The following PRDM16 variants were observed in gnomAD, a reference collection of about 807,000 sequenced individuals.
PRDM16 encodes histone-lysine N-methyltransferase PRDM16.
Under a neutral mutation model 110.6 loss-of-function variants are expected in PRDM16, and 23 were observed. That is an observed-to-expected ratio of 0.21 (90% confidence interval 0.15 to 0.29). The LOEUF is 0.29. Among genes scored for constraint, PRDM16 ranks in the 10% least tolerant of loss-of-function variants. The probability of loss-of-function intolerance (pLI) is 1.00; values close to 1 mark genes in which losing one functional copy is unlikely to be tolerated. For synonymous variants in PRDM16, 799 were observed against 781.8 expected (o/e 1.02, Z -0.37); for missense variants, 1,615 against 1,794.3 (o/e 0.90, Z 1.81).
At chr1:3,352,504 C>T (rs1041455457) in intron 3 of PRDM16, among the ~76,000 whole-genome samples, 1 of 152,220 alleles carries the variant, frequency 6.6e-6, no homozygotes, top group Non-Finnish European at 1.5e-5. Context: ...TTCGTTTGTT[C>T]TCCTTTCCTT....
chr1:3,401,096 G>A (rs891331786), intron 5 of PRDM16, among the ~76,000 whole-genome samples: 3 of 152,194 alleles, frequency 2.0e-5, no homozygotes, highest in African/African-American at 7.2e-5. Flanking sequence ...CGCCAGGGGT[G>A]CTGGGGTGGC....
At chr1:3,229,991 C>T (rs189691545) in intron 2 of PRDM16, among the ~76,000 whole-genome samples, 1 of 152,330 alleles carries the variant, frequency 6.6e-6, no homozygotes, top group East Asian at 1.9e-4. Flanking sequence ...TGCCCTGGCG[C>T]CCGCGTTTAG....
rs1371252062 is a variant in PRDM16 at position 3,213,049 on chromosome 1, C to T, written c.387+26575C>T. Among the ~76,000 whole-genome samples the T allele has an allele frequency of 2.0e-5, 3 of 152,196 alleles. No individual in the cohort carries two copies. The highest frequency in any genetic ancestry group is 2.9e-5 in the Non-Finnish European group (2 of 68,032). ...TCTCACCCAGAAAGGAAAGCGGGGT[C>T]GGCTCGCCCGCCTGCCGCACGCTTC... On this transcript the variant is annotated intron_variant, in intron 2 of 16. Coordinates refer to ENST00000270722, the MANE Select transcript of PRDM16 (RefSeq NM_022114.4). The surrounding 1 kb of genome is among the most constrained non-coding windows in gnomAD (Gnocchi z 5.3).
chr1:3,341,028 G>C (rs1381159840), intron 3 of PRDM16, among the ~76,000 whole-genome samples: 1 of 151,502 alleles, frequency 6.6e-6, no homozygotes, highest in Non-Finnish European at 1.5e-5. Context: ...AGGGGGATGT[G>C]TCCAACCCCG....
In PRDM16 at chr1:3,100,921, G is replaced by A. The variant is rs192175954; in HGVS notation, c.37+31625G>A. Among the ~76,000 whole-genome samples the A allele has an allele frequency of 4.6e-4, 70 of 152,224 alleles. No individual in the cohort carries two copies. In the East Asian group the frequency reaches 4.9e-3, roughly 11 times the overall value. The stretch of plus-strand genomic sequence containing the variant: ...CGGGGAGGAGCTTGTTCAAGGTGAC[G>A]GGTGGCACTTGGTCATGTGGGTGCT... On this transcript the variant is annotated intron_variant, in intron 1 of 16. Transcript: ENST00000270722.
At chr1:3,392,432 A>G (rs566704541) in intron 4 of PRDM16, among the ~76,000 whole-genome samples, 1 of 152,332 alleles carries the variant, frequency 6.6e-6, no homozygotes, top group African/African-American at 2.4e-5. Flanking sequence ...GAAAGAGAAA[A>G]CAAGAACGGC....
intron 2 of PRDM16, among the ~76,000 whole-genome samples, chr1:3,222,442 G>A (rs563391994): frequency 1.3e-5 from 2 of 152,322 alleles, no homozygotes; most frequent in East Asian, 3.9e-4. Flanking sequence ...GTGGGGGCTC[G>A]CAGCCTGTTG....
intron 3 of PRDM16, among the ~76,000 whole-genome samples, chr1:3,355,396 CA>C (rs1169827017): frequency 6.6e-6 from 1 of 152,172 alleles, no homozygotes; most frequent in African/African-American, 2.4e-5. Flanking sequence ...TCCATTTCTT[CA>C]GCCTGGCGGG....
At chr1:3,178,526 C>T (rs1644116341) in intron 1 of PRDM16, among the ~76,000 whole-genome samples, 1 of 152,334 alleles carries the variant, frequency 6.6e-6, no homozygotes, top group Admixed American at 6.5e-5. Flanking sequence ...CTTTTCTCCG[C>T]CTGGGTGGCA....
rs1179703726 is a variant in PRDM16, at chr1:3,166,243, A to C, written c.38-19882A>C. On this transcript the variant is annotated intron_variant, in intron 1 of 16. Coordinates refer to ENST00000270722, the MANE Select transcript of PRDM16 (RefSeq NM_022114.4). Reference sequence around the variant, plus strand: ...AATGGATGCAAGCAAATAATGAGAAACAGCTCCCGAAGAGCTTTGCTCAAA... The same window carrying C: ...AATGGATGCAAGCAAATAATGAGAACCAGCTCCCGAAGAGCTTTGCTCAAA... 2.0e-5 allele frequency among the ~76,000 whole-genome samples: 3 copies of C among 152,250 alleles called. No individual in the cohort carries two copies. In the South Asian group the frequency reaches 6.2e-4, roughly 31 times the overall value.
intron 3 of PRDM16, among the ~76,000 whole-genome samples, chr1:3,327,336 C>G (rs907315389): frequency 1.3e-5 from 2 of 152,254 alleles, no homozygotes; most frequent in African/African-American, 2.4e-5. Context: ...CAAGGAGAAG[C>G]CTGGAGCTCT....
Position 3,143,176 on chromosome 1 carries a change from C to T in PRDM16, c.38-42949C>T, listed in dbSNP as rs1643584831. 6.6e-6 allele frequency among the ~76,000 whole-genome samples: 1 copy of T among 152,154 alleles called. No homozygotes were observed. Among genetic ancestry groups the T allele is most frequent in the Middle Eastern group, 3.2e-3 (1 of 316 alleles). On this transcript the variant is annotated intron_variant, in intron 1 of 16. Transcript: ENST00000270722. This position sits in a 1 kb window ranked among gnomAD's most constrained non-coding sequence, Gnocchi z 4.5. Reference sequence around the variant, plus strand: ...ACCGCAGTGCTGGGCCGGGGGGAGTCGCTGGTTTGCAGCCCCTCGGGGGCC... The same window carrying T: ...ACCGCAGTGCTGGGCCGGGGGGAGTTGCTGGTTTGCAGCCCCTCGGGGGCC...
intron 3 of PRDM16, among the ~76,000 whole-genome samples, chr1:3,262,731 A>C (rs963263735): frequency 2.6e-5 from 4 of 152,242 alleles, no homozygotes; most frequent in African/African-American, 9.6e-5. Context: ...TGACAGCAGT[A>C]ATGACAACAC....
intron 3 of PRDM16, among the ~76,000 whole-genome samples, chr1:3,329,336 C>T (rs569292296): frequency 6.6e-6 from 1 of 152,298 alleles, no homozygotes; most frequent in South Asian, 2.1e-4. Context: ...AGGGGTCAAG[C>T]ATCCGGGTAG....
chr1:3,423,941 C>T (rs928500319), intron 12 of PRDM16, among the ~76,000 whole-genome samples: 18 of 152,276 alleles, frequency 1.2e-4, no homozygotes, highest in African/African-American at 4.1e-4. Flanking sequence ...CAGATGAGCA[C>T]CGCTGCGGGC....
chr1:3,263,033 G>A (rs1359666108), intron 3 of PRDM16, among the ~76,000 whole-genome samples: 1 of 152,160 alleles, frequency 6.6e-6, no homozygotes, highest in South Asian at 2.1e-4. Context: ...AGGCATCGCA[G>A]GGGCACCAGC....
chr1:3,339,351 G>A lies in PRDM16; in HGVS notation c.439-45801G>A, dbSNP rs552396765. Among the ~76,000 whole-genome samples the A allele has an allele frequency of 5.3e-5, 8 of 152,092 alleles. No individual in the cohort carries two copies. Among genetic ancestry groups the A allele is most frequent in the Admixed American group, 6.5e-5 (1 of 15,288 alleles). On this transcript the variant is annotated intron_variant, in intron 3 of 16. Transcript: ENST00000270722. This position sits in a 1 kb window ranked among gnomAD's most constrained non-coding sequence, Gnocchi z 5.0. Reference sequence around the variant, plus strand: ...GCACAGGGTGGGCCTCCGCGCATCCGTGCCCGGAAGCAGGAACAGAGGGAT... The same window carrying A: ...GCACAGGGTGGGCCTCCGCGCATCCATGCCCGGAAGCAGGAACAGAGGGAT...
chr1:3,114,157 A>G lies in PRDM16; in HGVS notation c.37+44861A>G, dbSNP rs903939725. Among the ~76,000 whole-genome samples, 24 of 113,572 alleles carry G rather than the reference A, an allele frequency of 2.1e-4. No individual in the cohort carries two copies. In the East Asian group the frequency reaches 2.3e-3, roughly 11 times the overall value. 74.5% of individuals were successfully genotyped at this position (113,572 alleles called of 152,430 possible). On this transcript the variant is annotated intron_variant, in intron 1 of 16. Transcript: ENST00000270722. ...ATCTCTGCACACTGCACACACGCACACACACACGCACACACACGCACACAC... is the reference window on the plus strand; with the variant it reads ...ATCTCTGCACACTGCACACACGCACGCACACACGCACACACACGCACACAC...
At chr1:3,167,535 C>T (rs1403778987) in intron 1 of PRDM16, among the ~76,000 whole-genome samples, 1 of 152,000 alleles carries the variant, frequency 6.6e-6, no homozygotes, top group Admixed American at 6.5e-5. Flanking sequence ...CAACCCGGAG[C>T]CTCCTCCCAG....
Sources: gnomAD v4.1 joint callset for allele counts (sites outside exome capture counted in the v4.1 genomes callset) on GRCh38, gnomAD v4.1.1 for gene constraint, Gnocchi (gnomAD v3.1) non-coding constraint, MANE v1.5 for transcripts, NCBI Gene and HGNC (gene_info 2026-07-23, HGNC 2026-07-21) for gene names.